Variants in STAC2 observed in about 807,000 individuals in gnomAD.
The protein encoded by STAC2 is SH3 and cysteine rich domain 2, also known as SH3 and cysteine-rich domain-containing protein 2.
A neutral mutation model predicts 49.0 loss-of-function variants in STAC2; 36 were observed. That is an observed-to-expected ratio of 0.74 (90% CI 0.56 to 0.97). STAC2 has a LOEUF of 0.97. Ranked by LOEUF, STAC2 falls within the 50% of genes least tolerant of loss-of-function variation. STAC2 has a pLI of 0.00. For missense variants in STAC2, 527 were observed against 543.8 expected (o/e 0.97, Z 0.31); for synonymous variants, 239 against 214.7 (o/e 1.11, Z -0.99).
At chr17:39,213,176 C>T in intron 9 of STAC2, 44 bp from the exon 10 acceptor site, 4 of 1,597,246 alleles carry the variant, frequency 2.5e-6, no homozygotes, top group Non-Finnish European at 3.4e-6. Context: ...ACACCCCACC[C>T]CTGCTGCCCA....
intron 7 of STAC2, 32 bp downstream of exon 7, chr17:39,214,759 G>A (rs1447417680): frequency 3.7e-6 from 6 of 1,611,072 alleles, no homozygotes; most frequent in Non-Finnish European, 5.1e-6. Flanking sequence ...TTCCCACCCT[G>A]ACCTTCCGGG....
At chr17:39,218,952 G>A (rs1317787148) in intron 1 of STAC2, among the ~76,000 whole-genome samples, 16 of 151,976 alleles carry the variant, frequency 1.1e-4, no homozygotes, top group African/African-American at 1.7e-4. Context: ...GATTCTCCCC[G>A]ACAGAAAGTC....
Position 39,225,540 on chromosome 17 carries a change from A to ACGGCAGGCCCACATCT in STAC2, c.-39_-38insAGATGTGGGCCTGCCG, listed in dbSNP as rs759125866. ...GGGGAGGAGAGGGTGCCGAGATCCG[A>ACGGCAGGCCCACATCT]CGGCAGGCCCACCGCGGGCAGGCTG... On this transcript the variant is annotated 5_prime_UTR_variant, in exon 1 of 11. The change creates a new upstream start codon in the 5' untranslated region. Coordinates refer to ENST00000333461, the MANE Select transcript of STAC2 (RefSeq NM_198993.5). This position sits in a 1 kb window ranked among gnomAD's most constrained non-coding sequence, Gnocchi z 8.2. 1.3e-5 allele frequency: 20 copies of ACGGCAGGCCCACATCT among 1,590,526 alleles called. No homozygotes were observed. The highest frequency in any genetic ancestry group is 1.7e-5 in the Non-Finnish European group (20 of 1,164,800).
chr17:39,219,866 G>T (rs1396186983), intron 1 of STAC2, among the ~76,000 whole-genome samples: 2 of 152,240 alleles, frequency 1.3e-5, no homozygotes, highest in Non-Finnish European at 2.9e-5. Context: ...CTGGCTCCAG[G>T]CAGAGGGACT....
chr17:39,214,360 G>C, intron 7 of STAC2, 30 bp from the exon 8 acceptor site: 5 of 1,613,208 alleles, frequency 3.1e-6, no homozygotes, highest in Non-Finnish European at 4.2e-6. Context: ...TCGGTGACCG[G>C]AAAGCAGCAC....
At chr17:39,218,956 G>A (rs1376974873) in intron 1 of STAC2, among the ~76,000 whole-genome samples, 1 of 152,030 alleles carries the variant, frequency 6.6e-6, no homozygotes, top group Admixed American at 6.6e-5. Context: ...CTCCCCGACA[G>A]AAAGTCTCTC....
Position 39,225,508 on chromosome 17 carries a change from G to T in STAC2, c.-6C>A. ...TTCTCGCTCATCTCGGTCATGGTTC[G>T]GGGAGAGGGGAGGAGAGGGTGCCGA... On this transcript the variant is annotated 5_prime_UTR_variant, in exon 1 of 11. Coordinates refer to ENST00000333461, the MANE Select transcript of STAC2 (RefSeq NM_198993.5). This position sits in a 1 kb window ranked among gnomAD's most constrained non-coding sequence, Gnocchi z 8.2. The T allele has an allele frequency of 6.2e-7, 1 of 1,610,014 alleles. No homozygotes were observed.
chr17:39,223,477 C>T (rs2046481493), intron 1 of STAC2, among the ~76,000 whole-genome samples: 1 of 152,168 alleles, frequency 6.6e-6, no homozygotes, highest in Admixed American at 6.5e-5. Context: ...GGGGTGTAAC[C>T]CCTCCCCTCC....
intron 1 of STAC2, among the ~76,000 whole-genome samples, chr17:39,220,328 T>C (rs1437393925): frequency 6.6e-6 from 1 of 152,158 alleles, no homozygotes; most frequent in African/African-American, 2.4e-5. Flanking sequence ...CGTCCACTGT[T>C]CTGTCCAGGG....
intron 4 of STAC2, among the ~76,000 whole-genome samples, chr17:39,215,490 C>T (rs1279561476): frequency 6.6e-6 from 1 of 152,236 alleles, no homozygotes; most frequent in Non-Finnish European, 1.5e-5. Context: ...AACCTATCCA[C>T]ATGTCTCCAT....
At position 39,210,725 on chromosome 17, in the gene STAC2, C is replaced by T. The variant is rs376741133; in HGVS notation, c.*1567G>A. 1.6e-4 allele frequency: 24 copies of T among 151,756 alleles called. No individual in the cohort carries two copies. The highest frequency in any genetic ancestry group is 5.6e-4 in the African/African-American group (23 of 41,178). The allele number at this position is 151,756 out of a possible 1,614,324, so 9.4% of individuals were successfully genotyped here. A position where few individuals can be genotyped will look rare whatever the true frequency, so the allele number is the denominator to read the frequency against. ...TTGTGGGGGAGAAGTGGGGCAGGGGCCTTTGGGTACGAGGGTCTGTGTTTC... is the reference window on the plus strand; with the variant it reads ...TTGTGGGGGAGAAGTGGGGCAGGGGTCTTTGGGTACGAGGGTCTGTGTTTC... On this transcript the variant is annotated 3_prime_UTR_variant, in exon 11 of 11. Transcript: ENST00000333461.
At chr17:39,213,445 TG>T in intron 9 of STAC2, 61 bp downstream of exon 9, 1 of 1,595,574 alleles carries the variant, frequency 6.3e-7, no homozygotes, top group East Asian at 2.2e-5. Context: ...CAGTGCCCAT[TG>T]GGGGTGGGGG....
At position 39,214,981 on chromosome 17, in the gene STAC2, G is replaced by A. The variant is rs148700784; in HGVS notation, c.742C>T (p.Arg248Cys). 16 of 1,614,032 alleles carry A rather than the reference G, an allele frequency of 9.9e-6. No homozygotes were observed. Among genetic ancestry groups the A allele is most frequent in the South Asian group, 5.5e-5 (5 of 91,078 alleles). Reference sequence around the variant, plus strand: ...TCACCAGGCCCCTCCTCAGAGCTGCGGATGCTGCCTTCCCCATCCTCGGTC... The same window carrying A: ...TCACCAGGCCCCTCCTCAGAGCTGCAGATGCTGCCTTCCCCATCCTCGGTC... ...ELTEDGEGSI[R>C]SSEEGPGDSA... Residue 248 changes from arginine to cysteine, a missense_variant, in exon 6 of 11, where the codon CGC (arginine) becomes TGC (cysteine). Coordinates refer to ENST00000333461, the MANE Select transcript of STAC2 (RefSeq NM_198993.5).
At chr17:39,217,331 G>A (rs1272196054) in intron 2 of STAC2, among the ~76,000 whole-genome samples, 158 bp from the exon 3 acceptor site, 6 of 152,164 alleles carry the variant, frequency 3.9e-5, no homozygotes, top group African/African-American at 1.2e-4. Flanking sequence ...GAGGGAGCAC[G>A]GAAGCCAGAG....
chr17:39,225,511 G>C lies in STAC2; in HGVS notation c.-9C>G, dbSNP rs745597212. 1 of 1,609,208 alleles carries C rather than the reference G, an allele frequency of 6.2e-7. No homozygotes were observed. The highest frequency in any genetic ancestry group is 8.5e-7 in the Non-Finnish European group (1 of 1,178,494). On this transcript the variant is annotated 5_prime_UTR_variant, in exon 1 of 11. Transcript: ENST00000333461. This position sits in a 1 kb window ranked among gnomAD's most constrained non-coding sequence, Gnocchi z 8.2. Reference sequence around the variant, plus strand: ...TCGCTCATCTCGGTCATGGTTCGGGGAGAGGGGAGGAGAGGGTGCCGAGAT... The same window carrying C: ...TCGCTCATCTCGGTCATGGTTCGGGCAGAGGGGAGGAGAGGGTGCCGAGAT...
In STAC2 at chr17:39,225,272, C is replaced by T; in HGVS notation, c.90+141G>A. 1 of 666,796 alleles carries T rather than the reference C, an allele frequency of 1.5e-6. No homozygotes were observed. Among genetic ancestry groups the T allele is most frequent in the Non-Finnish European group, 2.4e-6 (1 of 416,090 alleles). 41.3% of individuals were successfully genotyped at this position (666,796 alleles called of 1,614,324 possible). On this transcript the variant is annotated intron_variant, in intron 1 of 10. Coordinates refer to ENST00000333461, the MANE Select transcript of STAC2 (RefSeq NM_198993.5). The surrounding 1 kb of genome is among the most constrained non-coding windows in gnomAD (Gnocchi z 8.2). Reference sequence around the variant, plus strand: ...CCCCTCGTCGCCAACCCACTCCTACCCCCGGGAGCGGCGCGGAGCCTCAGT... The same window carrying T: ...CCCCTCGTCGCCAACCCACTCCTACTCCCGGGAGCGGCGCGGAGCCTCAGT...
intron 10 of STAC2, 67 bp downstream of exon 10, chr17:39,212,928 G>GTTTA (rs2046367085): frequency 6.3e-7 from 1 of 1,587,322 alleles, no homozygotes; most frequent in Non-Finnish European, 8.6e-7. Flanking sequence ...CCCCCGCACC[G>GTTTA]CAGCCTGTCT....
intron 1 of STAC2, among the ~76,000 whole-genome samples, chr17:39,218,461 G>A (rs2046430943): frequency 6.6e-6 from 1 of 152,204 alleles, no homozygotes; most frequent in South Asian, 2.1e-4. Flanking sequence ...AAACTGGATG[G>A]CCAGGGAGTA....
intron 3 of STAC2, 54 bp from the exon 4 acceptor site, chr17:39,216,954 T>C: frequency 1.3e-6 from 2 of 1,581,690 alleles, no homozygotes; most frequent in Non-Finnish European, 1.7e-6. Flanking sequence ...TATGGAGAAC[T>C]TGGTCCTTCC....
Sources: allele counts gnomAD v4.1 joint callset (sites outside exome capture counted in the v4.1 genomes callset), GRCh38; gene constraint gnomAD v4.1.1; non-coding constraint Gnocchi (gnomAD v3.1); transcripts MANE v1.5; gene names NCBI Gene and HGNC (gene_info 2026-07-23, HGNC 2026-07-21).